OPALIN: variants seen among roughly 807,000 people sequenced by gnomAD.
OPALIN encodes oligodendrocytic myelin paranodal and inner loop protein.
A neutral mutation model predicts 17.8 loss-of-function variants in OPALIN; 15 were observed. That is an observed-to-expected ratio of 0.84 (90% CI 0.56 to 1.29). The LOEUF (loss-of-function observed/expected upper bound fraction) is 1.29, where lower values mean the gene tolerates loss of function less well. Ranked by LOEUF, OPALIN falls within the 50% of genes most tolerant of loss-of-function variation. The pLI is 0.00. For synonymous variants in OPALIN, 62 were observed against 63.8 expected (o/e 0.97, Z 0.14); for missense variants, 170 against 176.0 (o/e 0.97, Z 0.19).
intron 1 of OPALIN, among the ~76,000 whole-genome samples, chr10:96,358,595 CAAGT>C (rs1470676178): frequency 4.6e-5 from 7 of 152,142 alleles, no homozygotes; most frequent in African/African-American, 1.4e-4. Context: ...CCAGATTAAA[CAAGT>C]AAGACAGATA....
intron 4 of OPALIN, 142 bp downstream of exon 4, chr10:96,349,565 A>G: frequency 1.1e-6 from 1 of 936,422 alleles, no homozygotes; most frequent in South Asian, 1.9e-5. Context: ...CTGCAGTGGA[A>G]ATTATGGCCC....
At chr10:96,350,418 G>A (rs1380093161) in intron 3 of OPALIN, among the ~76,000 whole-genome samples, 1 of 152,156 alleles carries the variant, frequency 6.6e-6, no homozygotes, top group Non-Finnish European at 1.5e-5. Context: ...GTTTCACTAT[G>A]TTGGCCAGGC....
rs985662556 is a variant in OPALIN, at chr10:96,345,709, G to A, written c.*232C>T. ...ACTGGGAGCAGGAATAGGATCTAAG[G>A]ACCCCATCTGGTGAGTCACATGTAC... On this transcript the variant is annotated 3_prime_UTR_variant, in exon 6 of 6. Transcript: ENST00000371172. 57 of 412,170 alleles carry A rather than the reference G, an allele frequency of 1.4e-4. No individual in the cohort carries two copies. Among genetic ancestry groups the A allele is most frequent in the African/African-American group, 1.1e-3 (54 of 49,134 alleles). The allele number at this position is 412,170 out of a possible 1,614,324, so 25.5% of individuals were successfully genotyped here.
At chr10:96,357,047 G>A (rs1045266705) in intron 1 of OPALIN, 26 of 985,348 alleles carry the variant, frequency 2.6e-5, no homozygotes, top group Non-Finnish European at 2.9e-5. Flanking sequence ...TGGAACACAG[G>A]GACGTCTGGG....
chr10:96,356,685 G>C (rs1845834710), intron 1 of OPALIN, among the ~76,000 whole-genome samples: 1 of 152,206 alleles, frequency 6.6e-6, no homozygotes, highest in African/African-American at 2.4e-5. Context: ...TTGTGAACCA[G>C]AAGTGTTTTA....
chr10:96,353,124 C>G (rs1006748092), intron 2 of OPALIN, among the ~76,000 whole-genome samples: 20 of 145,794 alleles, frequency 1.4e-4, no homozygotes, highest in African/African-American at 5.3e-4. Flanking sequence ...CTAGGTGACA[C>G]CCCCCCGGGC....
In OPALIN at chr10:96,345,777, G is replaced by T; in HGVS notation, c.*164C>A. 1.6e-6 allele frequency: 1 copy of T among 614,854 alleles called. No homozygotes were observed. 38.1% of individuals were successfully genotyped at this position (614,854 alleles called of 1,614,324 possible). A position where few individuals can be genotyped will look rare whatever the true frequency, so the allele number is the denominator to read the frequency against. ...CTGAGAGTTGGAATTAACCATGTTG[G>T]GGATGTCCCCTAAAGAGACAAATCA... On this transcript the variant is annotated 3_prime_UTR_variant, in exon 6 of 6. Transcript: ENST00000371172.
At chr10:96,351,854 T>G (rs1017051956) in intron 2 of OPALIN, among the ~76,000 whole-genome samples, 2 of 152,226 alleles carry the variant, frequency 1.3e-5, no homozygotes, top group African/African-American at 4.8e-5. Context: ...CAAATATCCA[T>G]GCTCCTGGGG....
At chr10:96,353,334 A>C in intron 2 of OPALIN, 2 of 1,570,922 alleles carry the variant, frequency 1.3e-6, no homozygotes, top group Non-Finnish European at 1.7e-6. Context: ...AGAGGGATCC[A>C]GGTGCCCACC....
At chr10:96,349,100 C>T (rs1845461256) in intron 4 of OPALIN, among the ~76,000 whole-genome samples, 1 of 152,102 alleles carries the variant, frequency 6.6e-6, no homozygotes, top group African/African-American at 2.4e-5. Context: ...ATGATAACAA[C>T]CTTGAATGTC....
chr10:96,351,252 A>T, intron 3 of OPALIN, 126 bp downstream of exon 3: 1 of 668,286 alleles, frequency 1.5e-6, no homozygotes, highest in Non-Finnish European at 2.6e-6. Flanking sequence ...GTCAAGAATA[A>T]TTCTTGAGCC....
chr10:96,348,323 A>G lies in OPALIN; in HGVS notation c.215T>C (p.Ile72Thr). ...CTTGGGATTGTCATCAATTTCTGAA[A>G]TTTCACATGGTCTGTCACTTTCCTA... ...AMEESDRPCE[I>T]SEIDDNPKIS... Residue 72 changes from isoleucine to threonine, a missense_variant, in exon 5 of 6, where the codon ATT (isoleucine) becomes ACT (threonine). Coordinates refer to ENST00000371172, the MANE Select transcript of OPALIN (RefSeq NM_033207.5). 2 of 1,552,820 alleles carry G rather than the reference A, an allele frequency of 1.3e-6. No homozygotes were observed. The highest frequency in any genetic ancestry group is 1.7e-5 in the Admixed American group (1 of 59,554).
At chr10:96,357,845 C>T (rs1438737670) in intron 1 of OPALIN, among the ~76,000 whole-genome samples, 1 of 152,114 alleles carries the variant, frequency 6.6e-6, no homozygotes, top group Non-Finnish European at 1.5e-5. Flanking sequence ...GCAATTATTG[C>T]TTACTGCTAG....
Position 96,355,076 on chromosome 10 carries a change from G to T in OPALIN, c.39+179C>A, listed in dbSNP as rs1424058764. ...CATGCCACTGCACTCCAGCCTGGGT[G>T]ACAGAGCAAGACCTTGTCTCAAAAA... On this transcript the variant is annotated intron_variant, in intron 2 of 5. Coordinates refer to ENST00000371172, the MANE Select transcript of OPALIN (RefSeq NM_033207.5). Among the ~76,000 whole-genome samples the T allele has an allele frequency of 5.4e-5, 6 of 110,830 alleles. No individual in the cohort carries two copies. The South Asian group carries it at 9.6e-4, about 18-fold the overall frequency. 72.7% of individuals were successfully genotyped at this position (110,830 alleles called of 152,430 possible).
At chr10:96,353,865 G>A (rs76285647) in intron 2 of OPALIN, among the ~76,000 whole-genome samples, 281 of 152,312 alleles carry the variant, frequency 1.8e-3, no homozygotes, top group Non-Finnish European at 2.7e-3. Context: ...AGCAGAGCAA[G>A]TTGGGGAGGT....
At chr10:96,352,313 AC>A (rs1274521288) in intron 2 of OPALIN, among the ~76,000 whole-genome samples, 1 of 151,484 alleles carries the variant, frequency 6.6e-6, no homozygotes, top group East Asian at 2.0e-4. Context: ...TGGGGCTTGG[AC>A]TTTTGACAAT....
Position 96,351,412 on chromosome 10 carries a change from T to A in OPALIN, c.40-2A>T. Reference sequence around the variant, plus strand: ...CCCACCTGTGACAGGAGAGGACGTCTGTATGGAAAAAGAACATATATTGTA... The same window carrying A: ...CCCACCTGTGACAGGAGAGGACGTCAGTATGGAAAAAGAACATATATTGTA... On this transcript the variant is annotated splice_acceptor_variant, in intron 2 of 5. Coordinates refer to ENST00000371172, the MANE Select transcript of OPALIN (RefSeq NM_033207.5). LOFTEE classifies it high-confidence loss of function. 1 of 1,540,618 alleles carries A rather than the reference T, an allele frequency of 6.5e-7. No homozygotes were observed. The highest frequency in any genetic ancestry group is 8.8e-7 in the Non-Finnish European group (1 of 1,139,094).
chr10:96,350,676 A>T (rs1301715312), intron 3 of OPALIN, among the ~76,000 whole-genome samples: 1 of 152,268 alleles, frequency 6.6e-6, no homozygotes, highest in Non-Finnish European at 1.5e-5. Context: ...AAAATAAATA[A>T]ATAAAAAAGT....
intron 4 of OPALIN, among the ~76,000 whole-genome samples, chr10:96,349,294 T>C (rs146102351): frequency 6.8e-4 from 104 of 152,260 alleles, no homozygotes; most frequent in Non-Finnish European, 2.6e-4. Context: ...TCTATCATGG[T>C]GTCTATCATG....
Sources: allele counts gnomAD v4.1 joint callset (sites outside exome capture counted in the v4.1 genomes callset), GRCh38; gene constraint gnomAD v4.1.1; transcripts MANE v1.5; gene names NCBI Gene and HGNC (gene_info 2026-07-23, HGNC 2026-07-21).